Variants in ATP6V1C2 observed in about 807,000 individuals in gnomAD.
ATP6V1C2 encodes V-type proton ATPase subunit C 2.
ATP6V1C2 carries 45 observed loss-of-function variants against 56.8 expected under a neutral mutation model. The observed-to-expected ratio is 0.79, with a 90% CI of 0.62 to 1.02. The LOEUF (loss-of-function observed/expected upper bound fraction) is 1.02. Among genes scored for constraint, ATP6V1C2 ranks in the 50% least tolerant of loss-of-function variants. The pLI is 0.00. For synonymous variants in ATP6V1C2, 220 were observed against 201.3 expected (o/e 1.09, Z -0.79); for missense variants, 463 against 519.7 (o/e 0.89, Z 1.06).
chr2:10,772,406 A>G, intron 7 of ATP6V1C2, 136 bp from the exon 8 acceptor site: 1 of 759,496 alleles, frequency 1.3e-6, no homozygotes, highest in Admixed American at 1.8e-5. Context: ...ACCTCAGGGG[A>G]GGTGAGGGCT....
chr2:10,736,266 A>G (rs1662238601), intron 3 of ATP6V1C2, among the ~76,000 whole-genome samples: 1 of 152,176 alleles, frequency 6.6e-6, no homozygotes, highest in African/African-American at 2.4e-5. Context: ...GGTTTTAAAT[A>G]TGTCATTATG....
chr2:10,744,138 G>A (rs1372406646), intron 3 of ATP6V1C2: 1 of 152,102 alleles, frequency 6.6e-6, no homozygotes, highest in Non-Finnish European at 1.5e-5. Context: ...GCCATGTAAC[G>A]CCATTGCACT....
chr2:10,782,158 C>T lies in ATP6V1C2; in HGVS notation c.1062-85C>T, dbSNP rs571824358. The T allele has an allele frequency of 2.0e-5, 30 of 1,506,638 alleles. No homozygotes were observed. The East Asian group carries it at 2.5e-4, about 13-fold the overall frequency. The allele number at this position is 1,506,638 out of a possible 1,614,324, so 93.3% of individuals were successfully genotyped here. A position where few individuals can be genotyped will look rare whatever the true frequency, so the allele number is the denominator to read the frequency against. ...TGTGTTGGTTGAAGCTTTTCACCCTCGGAATGTACTGTTTCTGGTCAGGTT... is the reference window on the plus strand; with the variant it reads ...TGTGTTGGTTGAAGCTTTTCACCCTTGGAATGTACTGTTTCTGGTCAGGTT... On this transcript the variant is annotated intron_variant, in intron 12 of 13. Transcript: ENST00000272238.
rs11545886 is a variant in ATP6V1C2 at position 10,784,176 on chromosome 2, G to A, written c.*913G>A. Reference sequence around the variant, plus strand: ...AAAGGCCACTGGTAGAGTCATCTGAGTGTAGAGAATGTCCCTTCACTGCTG... The same window carrying A: ...AAAGGCCACTGGTAGAGTCATCTGAATGTAGAGAATGTCCCTTCACTGCTG... On this transcript the variant is annotated 3_prime_UTR_variant, in exon 14 of 14. Coordinates refer to ENST00000272238, the MANE Select transcript of ATP6V1C2 (RefSeq NM_001039362.2). 9.9e-7 allele frequency: 1 copy of A among 1,012,420 alleles called. No homozygotes were observed. The highest frequency in any genetic ancestry group is 1.5e-6 in the Non-Finnish European group (1 of 665,690). The allele number at this position is 1,012,420 out of a possible 1,614,324, so 62.7% of individuals were successfully genotyped here.
At chr2:10,750,444 A>T (rs1385748722) in intron 3 of ATP6V1C2, among the ~76,000 whole-genome samples, 2 of 151,960 alleles carry the variant, frequency 1.3e-5, no homozygotes, top group African/African-American at 4.8e-5. Context: ...TGAACCTGGA[A>T]GGTGGAAGTT....
intron 2 of ATP6V1C2, among the ~76,000 whole-genome samples, chr2:10,724,027 G>T (rs1372750856): frequency 6.6e-6 from 1 of 151,856 alleles, no homozygotes; most frequent in Non-Finnish European, 1.5e-5. Flanking sequence ...CTCCCAAAGT[G>T]CTGGGATTAC....
At chr2:10,757,859 C>A (rs899253952) in intron 4 of ATP6V1C2, among the ~76,000 whole-genome samples, 1 of 152,194 alleles carries the variant, frequency 6.6e-6, no homozygotes, top group African/African-American at 2.4e-5. Flanking sequence ...CTTTGTGTGG[C>A]CTTGATGGGG....
At chr2:10,745,041 C>CTTTTTTT (rs5829274) in intron 3 of ATP6V1C2, among the ~76,000 whole-genome samples, 10 of 113,308 alleles carry the variant, frequency 8.8e-5, no homozygotes, top group Admixed American at 1.1e-4. Flanking sequence ...TATTTATTTT[C>CTTTTTTT]TTTTTTTTTT....
chr2:10,765,739 T>A (rs147495461), intron 5 of ATP6V1C2, among the ~76,000 whole-genome samples: 490 of 152,312 alleles, frequency 3.2e-3, no homozygotes, highest in Non-Finnish European at 6.2e-3. Context: ...ACCAAGGAAC[T>A]GGAAGCACAT....
intron 3 of ATP6V1C2, among the ~76,000 whole-genome samples, chr2:10,734,110 C>T (rs1262141550): frequency 9.2e-5 from 14 of 152,160 alleles, no homozygotes; most frequent in Non-Finnish European, 1.5e-4. Flanking sequence ...GAATAGACCG[C>T]GGTTGCATGT....
chr2:10,754,249 G>A (rs1175191178), intron 4 of ATP6V1C2, among the ~76,000 whole-genome samples, 183 bp downstream of exon 4: 2 of 152,000 alleles, frequency 1.3e-5, no homozygotes, highest in African/African-American at 2.4e-5. Flanking sequence ...ATTATTTTGA[G>A]ACAGAGTCTC....
chr2:10,752,433 C>T (rs758442294), intron 3 of ATP6V1C2, among the ~76,000 whole-genome samples: 1 of 152,154 alleles, frequency 6.6e-6, no homozygotes, highest in Non-Finnish European at 1.5e-5. Flanking sequence ...GACTTGAGTC[C>T]GCTCCTCCTG....
At position 10,763,664 on chromosome 2, in the gene ATP6V1C2, G is replaced by A. The variant is rs146431797; in HGVS notation, c.284-667G>A. Among the ~76,000 whole-genome samples the A allele has an allele frequency of 8.5e-5, 13 of 152,324 alleles. No individual in the cohort carries two copies. The East Asian group carries it at 1.9e-3, about 23-fold the overall frequency. ...GAATTTCCCGCTCTTCCATAGACCC[G>A]GCGTATTAAAAGAGGTCAGGTCCTG... On this transcript the variant is annotated intron_variant, in intron 4 of 13. Coordinates refer to ENST00000272238, the MANE Select transcript of ATP6V1C2 (RefSeq NM_001039362.2). This position sits in a 1 kb window ranked among gnomAD's most constrained non-coding sequence, Gnocchi z 4.2.
chr2:10,781,035 T>C (rs2952628), intron 12 of ATP6V1C2, among the ~76,000 whole-genome samples: 150,681 of 152,280 alleles, frequency 0.99, 74,579 homozygotes, highest in Middle Eastern at 1. Context: ...TGTGAGCCAC[T>C]GCACCCGGCA....
rs1305499797 is a variant in ATP6V1C2, at chr2:10,784,183, G to C, written c.*920G>C. 1.8e-6 allele frequency: 2 copies of C among 1,117,650 alleles called. No homozygotes were observed. The highest frequency in any genetic ancestry group is 2.4e-5 in the East Asian group (1 of 42,100). The allele number at this position is 1,117,650 out of a possible 1,614,324, so 69.2% of individuals were successfully genotyped here. A position where few individuals can be genotyped will look rare whatever the true frequency, so the allele number is the denominator to read the frequency against. ...ACTGGTAGAGTCATCTGAGTGTAGA[G>C]AATGTCCCTTCACTGCTGGAAAAAT... is the stretch of plus-strand genomic sequence containing the variant. On this transcript the variant is annotated 3_prime_UTR_variant, in exon 14 of 14. Transcript: ENST00000272238.
rs1027764669 is a variant in ATP6V1C2, at chr2:10,763,575, G to GC, written c.284-756_284-755insC. Among the ~76,000 whole-genome samples the GC allele has an allele frequency of 7.2e-5, 11 of 152,204 alleles. No homozygotes were observed. The highest frequency in any genetic ancestry group is 2.7e-4 in the African/African-American group (11 of 41,452). The stretch of plus-strand genomic sequence containing the variant: ...GAGCCTAGGCTGGGACATCCGCCAT[G>GC]GGAAGGGCCCTCTGCCAGGGGCACA... On this transcript the variant is annotated intron_variant, in intron 4 of 13. Transcript: ENST00000272238. This position sits in a 1 kb window ranked among gnomAD's most constrained non-coding sequence, Gnocchi z 4.2.
chr2:10,722,955 A>G lies in ATP6V1C2; in HGVS notation c.106A>G (p.Lys36Glu). 2 of 1,614,114 alleles carry G rather than the reference A, an allele frequency of 1.2e-6. No homozygotes were observed. The highest frequency in any genetic ancestry group is 1.7e-6 in the Non-Finnish European group (2 of 1,180,002). The change falls in exon 2 of 14, where the codon AAA (lysine) becomes GAA (glutamate). Residue 36 changes from lysine (K) to glutamate (E), a missense_variant. Coordinates refer to ENST00000272238, the MANE Select transcript of ATP6V1C2 (RefSeq NM_001039362.2). ...CAAGTCCAACCTGTCTTATAATACC[A>G]AATTCGCTATTCCTGACTTCAAGGT... ...TSKSNLSYNT[K>E]FAIPDFKVGT...
chr2:10,775,553 T>A (rs1664908994), intron 10 of ATP6V1C2, among the ~76,000 whole-genome samples: 1 of 152,194 alleles, frequency 6.6e-6, no homozygotes, highest in African/African-American at 2.4e-5. Flanking sequence ...CCCCTGTATT[T>A]ACCTCCCGTG....
rs1234381248 is a variant in ATP6V1C2 at position 10,780,808 on chromosome 2, A to G, written c.1062-1435A>G. Among the ~76,000 whole-genome samples the G allele has an allele frequency of 6.6e-6, 1 of 151,730 alleles. No homozygotes were observed. Among genetic ancestry groups the G allele is most frequent in the Admixed American group, 6.6e-5 (1 of 15,240 alleles). ...GCCTAGGCTGGAGTGCAGTGGCACA[A>G]TCTCAGCTCACTGCGACCTCCACCT... On this transcript the variant is annotated intron_variant, in intron 12 of 13. Transcript: ENST00000272238. The surrounding 1 kb of genome is among the most constrained non-coding windows in gnomAD (Gnocchi z 4.1).
Sources: gnomAD v4.1 joint callset for allele counts (sites outside exome capture counted in the v4.1 genomes callset) on GRCh38, gnomAD v4.1.1 for gene constraint, Gnocchi (gnomAD v3.1) non-coding constraint, MANE v1.5 for transcripts, NCBI Gene and HGNC (gene_info 2026-07-23, HGNC 2026-07-21) for gene names.